FOXP2: variants seen among roughly 807,000 people sequenced by gnomAD.
FOXP2 encodes forkhead box P2.
In FOXP2, 12 loss-of-function variants were observed where a neutral mutation model predicts 115.8. The observed-to-expected ratio is 0.10, with a 90% CI of 0.07 to 0.17. The LOEUF (loss-of-function observed/expected upper bound fraction) is 0.17. Among genes scored for constraint, FOXP2 ranks in the 10% least tolerant of loss-of-function variants. FOXP2 has a pLI of 1.00. For synonymous variants in FOXP2, 328 were observed against 297.7 expected (o/e 1.10, Z -1.05); for missense variants, 629 against 843.5 (o/e 0.75, Z 3.15).
At chr7:114,679,712 C>T (rs1807981677) in intron 16 of FOXP2, among the ~76,000 whole-genome samples, 1 of 152,004 alleles carries the variant, frequency 6.6e-6, no homozygotes, top group African/African-American at 2.4e-5. Flanking sequence ...GGAATGTCCT[C>T]TCTCTCATCT....
intron 1 of FOXP2, among the ~76,000 whole-genome samples, chr7:114,253,884 G>T (rs1283679128): frequency 1.3e-5 from 2 of 152,152 alleles, no homozygotes; most frequent in Non-Finnish European, 1.5e-5. Flanking sequence ...TTTCTTCCTA[G>T]CCTCGATGGT....
intron 1 of FOXP2, among the ~76,000 whole-genome samples, chr7:114,273,023 C>G (rs951172903): frequency 6.6e-6 from 1 of 151,826 alleles, no homozygotes; most frequent in South Asian, 2.1e-4. Flanking sequence ...TCCCAAAGAG[C>G]AAACATAGGT....
At chr7:114,642,645 C>G in intron 7 of FOXP2, 22 bp downstream of exon 7, 1 of 1,590,446 alleles carries the variant, frequency 6.3e-7, no homozygotes, top group East Asian at 2.2e-5. Flanking sequence ...GAGCTTTATT[C>G]TATATTTATC....
At chr7:114,205,397 C>T (rs185732101) in intron 1 of FOXP2, among the ~76,000 whole-genome samples, 152 of 152,288 alleles carry the variant, frequency 1.0e-3, no homozygotes, top group African/African-American at 3.5e-3. Flanking sequence ...TGGTAAGAAT[C>T]AGATGACCGT....
intron 2 of FOXP2, among the ~76,000 whole-genome samples, chr7:114,526,113 A>C (rs545396445): frequency 6.6e-6 from 1 of 150,886 alleles, no homozygotes; most frequent in African/African-American, 2.4e-5. Context: ...ATTTCGTCTC[A>C]AAAACAAACA....
At chr7:114,388,407 T>C (rs77927324) in intron 2 of FOXP2, among the ~76,000 whole-genome samples, 1 of 150,172 alleles carries the variant, frequency 6.7e-6, no homozygotes, top group African/African-American at 2.4e-5. Flanking sequence ...TTTTTTTTTT[T>C]AGTCTCTGAG....
intron 2 of FOXP2, among the ~76,000 whole-genome samples, chr7:114,348,257 CT>C (rs892965921): frequency 1.9e-4 from 29 of 152,008 alleles, no homozygotes; most frequent in Non-Finnish European, 3.5e-4. Context: ...AGAAATGTAA[CT>C]TTTTTTCTTA....
intron 2 of FOXP2, among the ~76,000 whole-genome samples, chr7:114,517,789 A>G (rs762806236): frequency 4.6e-5 from 7 of 152,092 alleles, no homozygotes; most frequent in Non-Finnish European, 8.8e-5. Context: ...TTTTTTGCTC[A>G]AGATTGTTTT....
At chr7:114,427,924 A>G (rs1170910752) in intron 2 of FOXP2, among the ~76,000 whole-genome samples, 2 of 151,686 alleles carry the variant, frequency 1.3e-5, no homozygotes, top group Non-Finnish European at 3.0e-5. Context: ...GACAATAAGT[A>G]TTAGAAAAAC....
intron 1 of FOXP2, among the ~76,000 whole-genome samples, chr7:114,215,741 A>C (rs1466469231): frequency 1.2e-4 from 19 of 152,102 alleles, no homozygotes; most frequent in Admixed American, 1.2e-3. Flanking sequence ...TCAATGAATG[A>C]ATACGAATAG....
chr7:114,693,345 C>T lies in FOXP2; in HGVS notation c.*3419C>T. On this transcript the variant is annotated 3_prime_UTR_variant, in exon 17 of 17. Transcript: ENST00000350908. The stretch of plus-strand genomic sequence containing the variant: ...CTAGGAATAGAGCTACAGAAGTACA[C>T]TTACATAAACCATCCTGGACTTTAA... The T allele has an allele frequency of 2.2e-6, 1 of 453,764 alleles. No homozygotes were observed. Among genetic ancestry groups the T allele is most frequent in the Non-Finnish European group, 4.4e-6 (1 of 226,578 alleles). 28.1% of individuals were successfully genotyped at this position (453,764 alleles called of 1,614,324 possible).
chr7:114,156,600 G>A (rs552490569), intron 1 of FOXP2, among the ~76,000 whole-genome samples: 1 of 152,170 alleles, frequency 6.6e-6, no homozygotes, highest in South Asian at 2.1e-4. Context: ...ATTGATTGAT[G>A]TCTTATGTCT....
At chr7:114,171,562 A>G in intron 1 of FOXP2, among the ~76,000 whole-genome samples, 1 of 152,148 alleles carries the variant, frequency 6.6e-6, no homozygotes, top group Non-Finnish European at 1.5e-5. Flanking sequence ...ACAGAGTGAG[A>G]CTGTCTCTAA....
chr7:114,516,096 C>T (rs1317145152), intron 2 of FOXP2, among the ~76,000 whole-genome samples: 7 of 152,068 alleles, frequency 4.6e-5, no homozygotes, highest in Middle Eastern at 3.2e-3. Context: ...GAGCCCGCAT[C>T]GCCAAGTCAA....
At position 114,176,298 on chromosome 7, in the gene FOXP2, TTCTCTCTCTCTCTCTCTCTC is replaced by T. The variant is rs1554426487; in HGVS notation, c.-102+13214_-102+13233del. 5.9e-4 allele frequency among the ~76,000 whole-genome samples: 45 copies of T among 76,566 alleles called. 2 individuals carry two copies. Among genetic ancestry groups the T allele is most frequent in the African/African-American group, 2.3e-3 (43 of 18,508 alleles). The allele number at this position is 76,566 out of a possible 152,430, so 50.2% of individuals were successfully genotyped here. A position where few individuals can be genotyped will look rare whatever the true frequency, so the allele number is the denominator to read the frequency against. On this transcript the variant is annotated intron_variant, in intron 1 of 17. Transcript: ENST00000634411. The stretch of plus-strand genomic sequence containing the variant: ...TTTCTTTCTTTCTTTCTTTCTTTCT[TTCTCTCTCTCTCTCTCTCTC>T]TCTTTCTTTTTCTTTCTTTCTCTCT...
intron 1 of FOXP2, among the ~76,000 whole-genome samples, chr7:114,251,498 G>A (rs75903554): frequency 0.57 from 87,052 of 151,932 alleles, 27,664 homozygotes; most frequent in Admixed American, 0.76. Flanking sequence ...AGTTCTCCTC[G>A]AAGAAATACT....
chr7:114,288,026 C>G lies in FOXP2; in HGVS notation c.-94C>G, dbSNP rs753762396. On this transcript the variant is annotated 5_prime_UTR_variant, in exon 2 of 18. Coordinates refer to the FOXP2 transcript ENST00000634411. Reference sequence around the variant, plus strand: ...ATTTGTCTCTATTAACAGGTCTACTCTAATGTGATGCTGGGATTGAATTTT... The same window carrying G: ...ATTTGTCTCTATTAACAGGTCTACTGTAATGTGATGCTGGGATTGAATTTT... The G allele has an allele frequency of 2.6e-5, 12 of 453,048 alleles. 1 individual carries two copies. Among genetic ancestry groups the G allele is most frequent in the South Asian group, 1.7e-4 (11 of 64,304 alleles). 28.1% of individuals were successfully genotyped at this position (453,048 alleles called of 1,614,324 possible). A position where few individuals can be genotyped will look rare whatever the true frequency, so the allele number is the denominator to read the frequency against.
At position 114,145,632 on chromosome 7, in the gene FOXP2, C is replaced by T. The variant is rs548903568; in HGVS notation, c.-246-17312C>T. On this transcript the variant is annotated intron_variant, in intron 1 of 19. Transcript: ENST00000635638. The stretch of plus-strand genomic sequence containing the variant: ...CCTCCCGAGTAGCTGGGATTACAGG[C>T]GCGTGCACAACTATAGCTTTGCCAT... 9.2e-5 allele frequency among the ~76,000 whole-genome samples: 14 copies of T among 151,830 alleles called. No individual in the cohort carries two copies. The East Asian group carries it at 1.6e-3, about 17-fold the overall frequency.
At chr7:114,291,867 TATATAGATAATATATAGAATATATA>T (rs1796601670) in intron 2 of FOXP2, among the ~76,000 whole-genome samples, 1 of 38,794 alleles carries the variant, frequency 2.6e-5, no homozygotes, top group Non-Finnish European at 6.2e-5. Context: ...TTATATATAA[TATATAGATAATATATAGAATATATA>T]TTATAGATAA....
Sources: allele counts gnomAD v4.1 joint callset (sites outside exome capture counted in the v4.1 genomes callset), GRCh38; gene constraint gnomAD v4.1.1; transcripts MANE v1.5; gene names NCBI Gene and HGNC (gene_info 2026-07-23, HGNC 2026-07-21).